Variants in PTK7 observed in about 807,000 individuals in gnomAD.
PTK7 encodes protein tyrosine kinase 7 (inactive).
Under a neutral mutation model 116.6 loss-of-function variants are expected in PTK7, and 39 were observed. The observed-to-expected ratio is 0.33, with a 90% CI of 0.26 to 0.44. The LOEUF (loss-of-function observed/expected upper bound fraction) is 0.44, where lower values mean the gene tolerates loss of function less well. Among genes scored for constraint, PTK7 ranks in the 20% least tolerant of loss-of-function variants. The pLI, the probability that PTK7 is intolerant of heterozygous loss-of-function variation, is 1.00. For synonymous variants in PTK7, 546 were observed against 563.6 expected, an observed-to-expected ratio of 0.97 and a Z score of 0.44; for missense variants, 1,169 against 1,425.6, an observed-to-expected ratio of 0.82 and a Z score of 2.90.
rs773616184 is a variant in PTK7, at chr6:43,143,643, G to T, written c.2251+23G>T. On this transcript the variant is annotated intron_variant, in intron 14 of 19. Coordinates refer to ENST00000230419, the MANE Select transcript of PTK7 (RefSeq NM_002821.5). The surrounding 1 kb of genome is among the most constrained non-coding windows in gnomAD (Gnocchi z 4.2). The stretch of plus-strand genomic sequence containing the variant: ...ACGGTGAGGGGCCCTGGACGGGGAG[G>T]TGGTGCCCGTGTGCGGGAGCTGAGC... 27 of 1,601,448 alleles carry T rather than the reference G, an allele frequency of 1.7e-5. No individual in the cohort carries two copies. The highest frequency in any genetic ancestry group is 3.4e-5 in the Admixed American group (2 of 58,396).
intron 7 of PTK7, chr6:43,133,137 GAGGTAAT>G (rs1561969107): frequency 3.2e-6 from 1 of 311,790 alleles, no homozygotes; most frequent in Non-Finnish European, 5.8e-6. Flanking sequence ...TCTTTTTTGG[GAGGTAAT>G]AGTGGACAAA....
chr6:43,096,306 C>G (rs1767247832), intron 1 of PTK7, among the ~76,000 whole-genome samples: 2 of 152,206 alleles, frequency 1.3e-5, no homozygotes, highest in African/African-American at 4.8e-5. Context: ...GCTGCCAAAA[C>G]AGAACTTCGA....
Position 43,132,471 on chromosome 6 carries a change from G to A in PTK7, c.1012G>A (p.Glu338Lys), listed in dbSNP as rs752872432. The A allele has an allele frequency of 8.1e-6, 13 of 1,597,794 alleles. No homozygotes were observed. Among genetic ancestry groups the A allele is most frequent in the African/African-American group, 2.7e-5 (2 of 74,650 alleles). The stretch of plus-strand genomic sequence containing the variant: ...GCCACGGGTGTTTACAGCTGGCAGC[G>A]AGGAGCGTGTGACCTGCCTTCCCCC... ...FEPRVFTAGSEERVTCLPPKG... is the reference protein window; with the variant it reads ...FEPRVFTAGSKERVTCLPPKG... The change falls in exon 7 of 20, where the codon GAG (glutamate) becomes AAG (lysine). Residue 338 changes from glutamate to lysine, a missense_variant. By Grantham distance (56) the Glu-to-Lys change is moderately conservative (BLOSUM62 1). Transcript: ENST00000230419.
chr6:43,142,050 C>T lies in PTK7; in HGVS notation c.1888C>T (p.Arg630Cys), dbSNP rs1288366106. Reference protein sequence around the residue: ...KPLIQWKGKDRILDPTKLGPR... With the variant: ...KPLIQWKGKDCILDPTKLGPR... ...GCTGATTCAGTGGAAAGGCAAGGACCGCATCCTGGACCCCACCAAGCTGGG... is the reference window on the plus strand; with the variant it reads ...GCTGATTCAGTGGAAAGGCAAGGACTGCATCCTGGACCCCACCAAGCTGGG... The change falls in exon 12 of 20, where the codon CGC becomes TGC. Residue 630 changes from arginine to cysteine, a missense_variant. Physicochemically the swap from Arg to Cys is radical, Grantham distance 180. This residue lies in a region of PTK7 where 678 missense variants were observed against 853.8 expected (regional missense o/e 0.79). Coordinates refer to ENST00000230419, the MANE Select transcript of PTK7 (RefSeq NM_002821.5). 12 of 1,613,788 alleles carry T rather than the reference C, an allele frequency of 7.4e-6. No individual in the cohort carries two copies. The highest frequency in any genetic ancestry group is 1.3e-5 in the African/African-American group (1 of 74,894).
At chr6:43,100,797 T>C (rs1021476839) in intron 1 of PTK7, among the ~76,000 whole-genome samples, 1 of 152,234 alleles carries the variant, frequency 6.6e-6, no homozygotes, top group Non-Finnish European at 1.5e-5. Flanking sequence ...TAAATCCTGC[T>C]GTGTAGTTCA....
chr6:43,125,251 C>T (rs994404615), intron 1 of PTK7, among the ~76,000 whole-genome samples: 2 of 152,212 alleles, frequency 1.3e-5, no homozygotes, highest in African/African-American at 2.4e-5. Context: ...TGTGAGCTGA[C>T]GTCAGGACAG....
At chr6:43,086,088 A>C (rs1663447427) in intron 1 of PTK7, among the ~76,000 whole-genome samples, 1 of 152,136 alleles carries the variant, frequency 6.6e-6, no homozygotes, top group South Asian at 2.1e-4. Context: ...TCTCAATAGC[A>C]GATTCTCCCA....
At chr6:43,134,149 G>A (rs563255219) in intron 7 of PTK7, among the ~76,000 whole-genome samples, 71 of 152,168 alleles carry the variant, frequency 4.7e-4, no homozygotes, top group African/African-American at 1.9e-4. Flanking sequence ...AGTGATTCTC[G>A]TGCCTCAGCC....
At position 43,146,631 on chromosome 6, in the gene PTK7, A is replaced by G. The variant is rs1424483553; in HGVS notation, c.2654A>G (p.Gln885Arg). Residue 885 changes from glutamine (Q) to arginine (R), a missense_variant, in exon 17 of 20, where the codon CAG becomes CGG. This residue lies in a region of PTK7 where 678 missense variants were observed against 853.8 expected (regional missense o/e 0.79). Transcript: ENST00000230419. ...LEYVDLGDLK[Q>R]FLRISKSKDE... Reference sequence around the variant, plus strand: ...CTTTTCCCTTAGGGAGACCTCAAGCAGTTCCTGAGGATTTCCAAGAGCAAG... The same window carrying G: ...CTTTTCCCTTAGGGAGACCTCAAGCGGTTCCTGAGGATTTCCAAGAGCAAG... 1 of 1,613,584 alleles carries G rather than the reference A, an allele frequency of 6.2e-7. No individual in the cohort carries two copies. The highest frequency in any genetic ancestry group is 8.5e-7 in the Non-Finnish European group (1 of 1,179,964).
intron 1 of PTK7, among the ~76,000 whole-genome samples, chr6:43,094,495 C>T (rs866565351): frequency 2.7e-5 from 4 of 150,400 alleles, no homozygotes; most frequent in South Asian, 4.2e-4. Context: ...AGACGGAGTC[C>T]GTCTCGTCGC....
At position 43,130,669 on chromosome 6, in the gene PTK7, AT is replaced by A; in HGVS notation, c.812+9del. 1 of 1,614,170 alleles carries A rather than the reference AT, an allele frequency of 6.2e-7. No individual in the cohort carries two copies. The highest frequency in any genetic ancestry group is 8.5e-7 in the Non-Finnish European group (1 of 1,180,018). The stretch of plus-strand genomic sequence containing the variant: ...CATCACTAACCGCAGTCGGTAAGGC[AT>A]CTGGCTGGGAGCATTCCAGTACCAT... On this transcript the variant is annotated intron_variant, in intron 5 of 19. Coordinates refer to ENST00000230419, the MANE Select transcript of PTK7 (RefSeq NM_002821.5).
At chr6:43,112,229 TG>T (rs1161759510) in intron 1 of PTK7, among the ~76,000 whole-genome samples, 1 of 151,704 alleles carries the variant, frequency 6.6e-6, no homozygotes. Context: ...GAGCAGGTGT[TG>T]CTGCTAGCCA....
intron 19 of PTK7, 91 bp from the exon 20 acceptor site, chr6:43,160,630 G>A: frequency 2.0e-6 from 3 of 1,514,894 alleles, no homozygotes; most frequent in Non-Finnish European, 2.7e-6. Context: ...GCATCCTTGG[G>A]TGGCTGCTTG....
chr6:43,120,517 C>T (rs1768896014), intron 1 of PTK7, among the ~76,000 whole-genome samples: 1 of 152,196 alleles, frequency 6.6e-6, no homozygotes, highest in East Asian at 1.9e-4. Context: ...CTGTTTGCAG[C>T]CCCCAGCTGC....
intron 1 of PTK7, among the ~76,000 whole-genome samples, chr6:43,115,042 C>CA (rs5875827): frequency 0.43 from 61,825 of 143,108 alleles, 12,894 homozygotes; most frequent in East Asian, 0.51. Context: ...GACTTTGTCT[C>CA]AAAAAAAAAA....
At chr6:43,120,425 G>A (rs574489514) in intron 1 of PTK7, among the ~76,000 whole-genome samples, 2 of 152,350 alleles carry the variant, frequency 1.3e-5, no homozygotes, top group East Asian at 3.9e-4. Context: ...CAAGGCAGGA[G>A]ATGGCAGAGG....
At chr6:43,096,844 T>C (rs1337798594) in intron 1 of PTK7, among the ~76,000 whole-genome samples, 1 of 144,254 alleles carries the variant, frequency 6.9e-6, no homozygotes, top group Non-Finnish European at 1.5e-5. Flanking sequence ...GTTTTGTTGC[T>C]GAATCATTTG....
chr6:43,160,631 T>TATACAA, intron 19 of PTK7, 90 bp from the exon 20 acceptor site: 1 of 1,516,144 alleles, frequency 6.6e-7, no homozygotes. Context: ...CATCCTTGGG[T>TATACAA]GGCTGCTTGT....
intron 1 of PTK7, among the ~76,000 whole-genome samples, chr6:43,110,976 C>T (rs1006569853): frequency 3.9e-5 from 6 of 152,144 alleles, no homozygotes; most frequent in African/African-American, 7.2e-5. Context: ...ACTGTGTTCT[C>T]TTCACCTAAT....
Sources: gnomAD v4.1 joint callset for allele counts (sites outside exome capture counted in the v4.1 genomes callset) on GRCh38, gnomAD v4.1.1 for gene constraint, gnomAD v4.1.1 regional missense constraint, Gnocchi (gnomAD v3.1) non-coding constraint, MANE v1.5 for transcripts, NCBI Gene and HGNC (gene_info 2026-07-23, HGNC 2026-07-21) for gene names.